The following HS2ST1 variants were observed in gnomAD, a reference collection of about 807,000 sequenced individuals.
HS2ST1 encodes 2-O-sulfotransferase.
Under a neutral mutation model 42.9 loss-of-function variants are expected in HS2ST1, and 18 were observed. That is an observed-to-expected ratio of 0.42 (90% CI 0.29 to 0.62). The LOEUF is 0.62. Ranked by LOEUF, HS2ST1 falls within the 20% of genes least tolerant of loss-of-function variation. The pLI, the probability that HS2ST1 is intolerant of heterozygous loss-of-function variation, is 0.21. For synonymous variants in HS2ST1, 146 were observed against 152.9 expected, an observed-to-expected ratio of 0.95 and a Z score of 0.33; for missense variants, 334 against 433.8, an observed-to-expected ratio of 0.77 and a Z score of 2.04.
At chr1:87,005,955 T>C (rs1649427567) in intron 1 of HS2ST1, among the ~76,000 whole-genome samples, 1 of 152,158 alleles carries the variant, frequency 6.6e-6, no homozygotes, top group African/African-American at 2.4e-5. Context: ...ATTACATTTT[T>C]GAGTGAAAAG....
chr1:86,960,823 G>T (rs555363481), intron 1 of HS2ST1, among the ~76,000 whole-genome samples: 76 of 73,052 alleles, frequency 1.0e-3, no homozygotes, highest in Non-Finnish European at 2.1e-3. Context: ...TTGCTGGTGG[G>T]AATGCAAAAT....
chr1:87,070,895 T>G (rs953681444), intron 1 of HS2ST1, among the ~76,000 whole-genome samples: 1 of 152,178 alleles, frequency 6.6e-6, no homozygotes, highest in Non-Finnish European at 1.5e-5. Context: ...GTATATTGTC[T>G]AGGCAGCTGT....
chr1:87,015,278 C>T (rs1362427724), intron 1 of HS2ST1, among the ~76,000 whole-genome samples: 1 of 151,686 alleles, frequency 6.6e-6, no homozygotes, highest in African/African-American at 2.4e-5. Flanking sequence ...GATCTCTTGA[C>T]CTCATGATCT....
At chr1:87,038,094 T>C (rs1650427832) in intron 1 of HS2ST1, among the ~76,000 whole-genome samples, 1 of 152,056 alleles carries the variant, frequency 6.6e-6, no homozygotes, top group Non-Finnish European at 1.5e-5. Context: ...TTACTTAATA[T>C]TATAGTTTTT....
At position 87,109,675 on chromosome 1, in the gene HS2ST1, T is replaced by C. The variant is rs765311829; in HGVS notation, c.*4979T>C. Reference sequence around the variant, plus strand: ...TTGATTCTATTTATATTATATGATATTGGGTTGATAAAATACCAGTTCAAT... The same window carrying C: ...TTGATTCTATTTATATTATATGATACTGGGTTGATAAAATACCAGTTCAAT... On this transcript the variant is annotated 3_prime_UTR_variant, in exon 7 of 7. Coordinates refer to ENST00000370550, the MANE Select transcript of HS2ST1 (RefSeq NM_012262.4). The C allele has an allele frequency of 6.6e-6, 1 of 152,144 alleles. No homozygotes were observed. The highest frequency in any genetic ancestry group is 1.9e-4 in the East Asian group (1 of 5,198). 9.4% of individuals were successfully genotyped at this position (152,144 alleles called of 1,614,324 possible). A position where few individuals can be genotyped will look rare whatever the true frequency, so the allele number is the denominator to read the frequency against.
rs568451389 is a variant in HS2ST1 at position 87,047,041 on chromosome 1, G to C, written c.125-25893G>C. Among the ~76,000 whole-genome samples, 33 of 152,026 alleles carry C rather than the reference G, an allele frequency of 2.2e-4. No individual in the cohort carries two copies. The South Asian group carries it at 6.5e-3, about 30-fold the overall frequency. On this transcript the variant is annotated intron_variant, in intron 1 of 6. Coordinates refer to ENST00000370550, the MANE Select transcript of HS2ST1 (RefSeq NM_012262.4). The stretch of plus-strand genomic sequence containing the variant: ...TAACTTTTTAAGAAATTGTCCAACT[G>C]TTTTCCATAATGGTTGTCTCATTTT...
intron 1 of HS2ST1, among the ~76,000 whole-genome samples, chr1:87,040,288 G>T (rs1650486868): frequency 6.6e-6 from 1 of 152,094 alleles, no homozygotes; most frequent in African/African-American, 2.4e-5. Flanking sequence ...CCCGCTCCCT[G>T]AACAGAGAGA....
At chr1:86,964,569 G>A (rs1647986492) in intron 1 of HS2ST1, among the ~76,000 whole-genome samples, 1 of 152,268 alleles carries the variant, frequency 6.6e-6, no homozygotes, top group African/African-American at 2.4e-5. Context: ...GGAGGTTGCA[G>A]TGAGCCGAGA....
intron 1 of HS2ST1, among the ~76,000 whole-genome samples, chr1:86,935,432 G>A (rs1178508391): frequency 6.9e-6 from 1 of 145,620 alleles, no homozygotes; most frequent in East Asian, 2.0e-4. Flanking sequence ...ATGTTTTGGA[G>A]GTTTTGTAAT....
intron 1 of HS2ST1, among the ~76,000 whole-genome samples, chr1:87,004,230 C>G (rs1649371325): frequency 6.6e-6 from 1 of 151,852 alleles, no homozygotes; most frequent in Admixed American, 6.6e-5. Flanking sequence ...ATCTCTACTA[C>G]AAGTAGAAAA....
intron 3 of HS2ST1, among the ~76,000 whole-genome samples, chr1:87,091,793 C>A (rs1651951436): frequency 6.6e-6 from 1 of 151,936 alleles, no homozygotes; most frequent in South Asian, 2.1e-4. Context: ...AAACAGGGAG[C>A]CAGTTGTACA....
chr1:87,066,061 A>G (rs1651243300), intron 1 of HS2ST1, among the ~76,000 whole-genome samples: 1 of 152,200 alleles, frequency 6.6e-6, no homozygotes, highest in Non-Finnish European at 1.5e-5. Flanking sequence ...GCAGTCTGAT[A>G]CAGAATACAT....
intron 1 of HS2ST1, among the ~76,000 whole-genome samples, chr1:86,959,714 A>T (rs1444490261): frequency 6.7e-6 from 1 of 148,990 alleles, no homozygotes; most frequent in Non-Finnish European, 1.5e-5. Context: ...AGCACAAAAA[A>T]ATTAAAGTCC....
chr1:86,963,788 G>A (rs933476493), intron 1 of HS2ST1, among the ~76,000 whole-genome samples: 3 of 135,000 alleles, frequency 2.2e-5, no homozygotes, highest in African/African-American at 9.1e-5. Flanking sequence ...CCGGGTGGGG[G>A]CTGGCCCCCA....
intron 1 of HS2ST1, among the ~76,000 whole-genome samples, chr1:87,035,433 C>T (rs528539261): frequency 5.9e-5 from 9 of 152,200 alleles, no homozygotes; most frequent in African/African-American, 2.2e-4. Context: ...TTCTAAGTTA[C>T]TTTTTTCTCT....
Position 86,967,570 on chromosome 1 carries a change from T to A in HS2ST1, c.124+52410T>A, listed in dbSNP as rs112408085. Reference sequence around the variant, plus strand: ...GGGTATTTGGTTGTCCATTCCTGAGTTACTTCACTTAGAATAATGGCTTCC... The same window carrying A: ...GGGTATTTGGTTGTCCATTCCTGAGATACTTCACTTAGAATAATGGCTTCC... On this transcript the variant is annotated intron_variant, in intron 1 of 6. Transcript: ENST00000370550. 2.6e-3 allele frequency among the ~76,000 whole-genome samples: 396 copies of A among 152,332 alleles called. 3 individuals are homozygous for A. Among genetic ancestry groups the A allele is most frequent in the African/African-American group, 9.1e-3 (377 of 41,572 alleles).
intron 1 of HS2ST1, among the ~76,000 whole-genome samples, chr1:86,937,726 A>G (rs1487307686): frequency 1.3e-5 from 2 of 151,936 alleles, no homozygotes; most frequent in African/African-American, 2.4e-5. Flanking sequence ...TCTACCTTAT[A>G]TATATATAAA....
intron 1 of HS2ST1, among the ~76,000 whole-genome samples, chr1:86,915,661 A>G (rs1660135509): frequency 6.6e-6 from 1 of 152,218 alleles, no homozygotes; most frequent in Non-Finnish European, 1.5e-5. Context: ...GGGATGACGG[A>G]GAGCAACATG....
rs184003046 is a variant in HS2ST1, at chr1:86,917,470, G to T, written c.124+2310G>T. On this transcript the variant is annotated intron_variant, in intron 1 of 6. Transcript: ENST00000370550. ...GGAGGCAGAGATTGCAGTAAGCCAA[G>T]ATCACACCACTGCACTCCAGCCTGG... Among the ~76,000 whole-genome samples, 42 of 150,810 alleles carry T rather than the reference G, an allele frequency of 2.8e-4. No individual in the cohort carries two copies. The East Asian group carries it at 5.6e-3, about 20-fold the overall frequency.
Sources: gnomAD v4.1 joint callset for allele counts (sites outside exome capture counted in the v4.1 genomes callset) on GRCh38, gnomAD v4.1.1 for gene constraint, MANE v1.5 for transcripts, NCBI Gene and HGNC (gene_info 2026-07-23, HGNC 2026-07-21) for gene names.